GYPE: variants seen among roughly 807,000 people sequenced by gnomAD.
GYPE encodes glycophorin-E.
A neutral mutation model predicts 11.6 loss-of-function variants in GYPE; 8 were observed. The ratio of observed to expected loss-of-function variants is 0.69; its 90% CI spans 0.41 to 1.25. The LOEUF (loss-of-function observed/expected upper bound fraction) is 1.25, where lower values mean the gene tolerates loss of function less well. Ranked by LOEUF, GYPE falls within the 50% of genes most tolerant of loss-of-function variation. GYPE has a pLI of 0.01. For synonymous variants in GYPE, 28 were observed against 29.6 expected (o/e 0.94, Z 0.18); for missense variants, 90 against 92.8 (o/e 0.97, Z 0.12).
At chr4:143,902,560 G>T (rs755154535) in intron 1 of GYPE, among the ~76,000 whole-genome samples, 5 of 149,164 alleles carry the variant, frequency 3.4e-5, no homozygotes, top group Non-Finnish European at 5.9e-5. Flanking sequence ...CTCCCTTCTT[G>T]CCTCCCTCTC....
At chr4:143,883,400 T>C (rs1431785100) in intron 1 of GYPE, among the ~76,000 whole-genome samples, 1 of 151,398 alleles carries the variant, frequency 6.6e-6, no homozygotes, top group Admixed American at 6.6e-5. Context: ...GTTATTTCTA[T>C]ATAGCAGTGT....
chr4:143,881,686 GTTTA>G (rs1468323970), intron 1 of GYPE, among the ~76,000 whole-genome samples: 2 of 152,134 alleles, frequency 1.3e-5, no homozygotes, highest in Middle Eastern at 3.2e-3. Context: ...ATGTTCTGTG[GTTTA>G]TTTTTCAATC....
At chr4:143,875,580 C>G in intron 3 of GYPE, 2 of 1,548,600 alleles carry the variant, frequency 1.3e-6, no homozygotes, top group South Asian at 2.4e-5. Context: ...ACTTCAGCCT[C>G]TGATTGGTCA....
intron 1 of GYPE, among the ~76,000 whole-genome samples, chr4:143,889,633 C>G (rs1315579372): frequency 2.6e-5 from 4 of 152,210 alleles, no homozygotes; most frequent in Non-Finnish European, 4.4e-5. Flanking sequence ...TACTGAGCAA[C>G]TGGGACTATA....
chr4:143,892,987 G>A (rs1195189682), intron 1 of GYPE, among the ~76,000 whole-genome samples: 10 of 140,854 alleles, frequency 7.1e-5, no homozygotes, highest in South Asian at 2.5e-4. Context: ...TATGAATCTG[G>A]GTGCTCCTGT....
intron 1 of GYPE, among the ~76,000 whole-genome samples, chr4:143,902,804 A>G (rs1744919847): frequency 6.6e-6 from 1 of 152,184 alleles, no homozygotes; most frequent in Non-Finnish European, 1.5e-5. Context: ...TTAGTATATT[A>G]TGACCTAGAA....
At chr4:143,891,261 T>A (rs535718043) in intron 1 of GYPE, among the ~76,000 whole-genome samples, 1 of 151,998 alleles carries the variant, frequency 6.6e-6, no homozygotes, top group African/African-American at 2.4e-5. Context: ...TAATGATTTG[T>A]GGGCAGTAGA....
intron 2 of GYPE, among the ~76,000 whole-genome samples, chr4:143,877,422 C>G (rs1233447741): frequency 3.3e-5 from 5 of 152,088 alleles, no homozygotes; most frequent in African/African-American, 4.8e-5. Flanking sequence ...AGCTTTATTC[C>G]TTCCACAGTA....
intron 1 of GYPE, among the ~76,000 whole-genome samples, chr4:143,903,251 G>C (rs372143311): frequency 6.6e-6 from 1 of 151,056 alleles, no homozygotes; most frequent in Admixed American, 6.6e-5. Context: ...TATTATCTGC[G>C]TTCCCTCCCA....
chr4:143,899,264 A>G (rs1386415286), intron 1 of GYPE, among the ~76,000 whole-genome samples: 2 of 151,512 alleles, frequency 1.3e-5, no homozygotes, highest in Non-Finnish European at 1.5e-5. Context: ...TACAGGCAAC[A>G]TAACATATTC....
At position 143,903,032 on chromosome 4, in the gene GYPE, T is replaced by TG. The variant is rs573508457; in HGVS notation, c.37+2438dup. On this transcript the variant is annotated intron_variant, in intron 1 of 3. Coordinates refer to ENST00000358615, the MANE Select transcript of GYPE (RefSeq NM_198682.3). Reference sequence around the variant, plus strand: ...TGCTCTTGCTCTTCCCTCTGCCTTCTGTCCTCTTTTCCCAGAATTTTCAGG... The same window carrying TG: ...TGCTCTTGCTCTTCCCTCTGCCTTCTGGTCCTCTTTTCCCAGAATTTTCAGG... Among the ~76,000 whole-genome samples the TG allele has an allele frequency of 5.2e-3, 786 of 151,986 alleles. 9 individuals are homozygous for TG. The highest frequency in any genetic ancestry group is 0.018 in the African/African-American group (742 of 41,238).
rs755845677 is a variant in GYPE at position 143,876,803 on chromosome 4, CATCACCTCAAA to C, written c.178_188del (p.Phe60AlafsTer55). 1.2e-5 allele frequency: 19 copies of C among 1,611,538 alleles called. No individual in the cohort carries two copies. Among genetic ancestry groups the C allele is most frequent in the African/African-American group, 4.0e-5 (3 of 74,792 alleles). On this transcript the variant is annotated frameshift_variant, in exon 3 of 4. Coordinates refer to ENST00000358615, the MANE Select transcript of GYPE (RefSeq NM_198682.3). LOFTEE classifies it high-confidence loss of function. ...AGATGATCATTCCAACAACAACAAG[CATCACCTCAAA>C]AATAACACGAGCCATCGCCCACCAA...
At chr4:143,874,187 A>G (rs1743713362) in intron 3 of GYPE, among the ~76,000 whole-genome samples, 1 of 152,120 alleles carries the variant, frequency 6.6e-6, no homozygotes, top group African/African-American at 2.4e-5. Context: ...TAGTTTTGTT[A>G]CAGAAAATTA....
intron 1 of GYPE, among the ~76,000 whole-genome samples, chr4:143,897,416 T>C (rs7690909): frequency 0.93 from 141,058 of 151,968 alleles, 66,409 homozygotes; most frequent in East Asian, 1. Context: ...CTGAAGTAAG[T>C]TATGACTGTG....
At chr4:143,893,181 T>C (rs1744480747) in intron 1 of GYPE, among the ~76,000 whole-genome samples, 2 of 119,582 alleles carry the variant, frequency 1.7e-5, no homozygotes, top group Non-Finnish European at 1.8e-5. Flanking sequence ...TCCTCCATCC[T>C]TTTATTTTGA....
At chr4:143,898,986 T>A (rs1477782825) in intron 1 of GYPE, among the ~76,000 whole-genome samples, 1 of 141,732 alleles carries the variant, frequency 7.1e-6, no homozygotes, top group African/African-American at 2.7e-5. Flanking sequence ...TCTATTTTGG[T>A]TTTAAAAAAT....
chr4:143,898,498 A>C (rs1744747148), intron 1 of GYPE, among the ~76,000 whole-genome samples: 1 of 152,246 alleles, frequency 6.6e-6, no homozygotes, highest in South Asian at 2.1e-4. Context: ...GTCATTAAGC[A>C]ATATATTTCA....
chr4:143,903,046 A>C (rs1744925756), intron 1 of GYPE, among the ~76,000 whole-genome samples: 1 of 151,456 alleles, frequency 6.6e-6, no homozygotes, highest in African/African-American at 2.5e-5. Flanking sequence ...CTCTTTTCCC[A>C]GAATTTTCAG....
intron 1 of GYPE, among the ~76,000 whole-genome samples, chr4:143,896,915 C>T (rs1744668733): frequency 6.6e-6 from 1 of 151,870 alleles, no homozygotes; most frequent in Non-Finnish European, 1.5e-5. Flanking sequence ...GGACAAAAAA[C>T]CAAACACCGC....
Sources: allele counts gnomAD v4.1 joint callset (sites outside exome capture counted in the v4.1 genomes callset), GRCh38; gene constraint gnomAD v4.1.1; transcripts MANE v1.5; gene names NCBI Gene and HGNC (gene_info 2026-07-23, HGNC 2026-07-21).